IBA57: variants seen among roughly 807,000 people sequenced by gnomAD.
IBA57 encodes the protein iron-sulfur cluster assembly factor IBA57, also known as iron-sulfur cluster assembly factor IBA57, mitochondrial.
IBA57 carries 20 observed loss-of-function variants against 20.4 expected under a neutral mutation model. The ratio of observed to expected loss-of-function variants is 0.98; its 90% CI spans 0.69 to 1.42. The LOEUF (loss-of-function observed/expected upper bound fraction) is 1.42, where lower values mean the gene tolerates loss of function less well. Among genes scored for constraint, IBA57 ranks in the 40% most tolerant of loss-of-function variants. IBA57 has a pLI of 0.00. For missense variants in IBA57, 608 were observed against 499.3 expected, an observed-to-expected ratio of 1.22 and a Z score of -2.07; for synonymous variants, 310 against 233.9, an observed-to-expected ratio of 1.33 and a Z score of -2.97.
intron 1 of IBA57, among the ~76,000 whole-genome samples, chr1:228,168,625 TGTCCTCGAG>T (rs2034884481): frequency 6.6e-6 from 1 of 152,166 alleles, no homozygotes; most frequent in Non-Finnish European, 1.5e-5. Flanking sequence ...TGGGGGTCTC[TGTCCTCGAG>T]GTCTGCAGGA....
intron 1 of IBA57, among the ~76,000 whole-genome samples, chr1:228,167,981 C>T (rs1377400376): frequency 2.0e-5 from 3 of 152,164 alleles, no homozygotes; most frequent in Non-Finnish European, 4.4e-5. Context: ...CTATAGTCCT[C>T]TCTTGTCCTT....
rs1045709413 is a variant in IBA57, at chr1:228,170,997, C to T, written c.342-3695C>T. Among the ~76,000 whole-genome samples, 1 of 152,196 alleles carries T rather than the reference C, an allele frequency of 6.6e-6. No individual in the cohort carries two copies. The highest frequency in any genetic ancestry group is 1.5e-5 in the Non-Finnish European group (1 of 68,034). Reference sequence around the variant, plus strand: ...TCCTCTTCCTGCACCCTTGCTCCCACCGGGGCTTCTGGGCTCAGCAAACAA... The same window carrying T: ...TCCTCTTCCTGCACCCTTGCTCCCATCGGGGCTTCTGGGCTCAGCAAACAA... On this transcript the variant is annotated intron_variant, in intron 1 of 2. Transcript: ENST00000366711. The surrounding 1 kb of genome is among the most constrained non-coding windows in gnomAD (Gnocchi z 4.8).
At chr1:228,171,106 A>C (rs2034919500) in intron 1 of IBA57, 1 of 152,250 alleles carries the variant, frequency 6.6e-6, no homozygotes, top group Non-Finnish European at 1.5e-5. Flanking sequence ...ATATACTAAA[A>C]AAAGTAATTT....
chr1:228,180,373 G>A lies in IBA57; in HGVS notation c.*4860G>A, dbSNP rs887705796. Reference sequence around the variant, plus strand: ...CATGTCTAAAACACCACATCTAGAAGCTTCTACTTAGAATGCCTACTTTTG... The same window carrying A: ...CATGTCTAAAACACCACATCTAGAAACTTCTACTTAGAATGCCTACTTTTG... On this transcript the variant is annotated 3_prime_UTR_variant, in exon 3 of 3. Transcript: ENST00000366711. 1 of 151,968 alleles carries A rather than the reference G, an allele frequency of 6.6e-6. No homozygotes were observed. Among genetic ancestry groups the A allele is most frequent in the Non-Finnish European group, 1.5e-5 (1 of 68,014 alleles). The allele number at this position is 151,968 out of a possible 1,614,324, so 9.4% of individuals were successfully genotyped here. A position where few individuals can be genotyped will look rare whatever the true frequency, so the allele number is the denominator to read the frequency against.
Sources: allele counts gnomAD v4.1 joint callset (sites outside exome capture counted in the v4.1 genomes callset), GRCh38; gene constraint gnomAD v4.1.1; non-coding constraint Gnocchi (gnomAD v3.1); transcripts MANE v1.5; gene names NCBI Gene and HGNC (gene_info 2026-07-23, HGNC 2026-07-21).